Variants in CELF2 observed in about 807,000 individuals in gnomAD.
The protein encoded by CELF2 is CUG triplet repeat RNA-binding protein 2.
CELF2 carries 8 observed loss-of-function variants against 62.6 expected under a neutral mutation model. The ratio of observed to expected loss-of-function variants is 0.13; its 90% confidence interval spans 0.07 to 0.23. The LOEUF (loss-of-function observed/expected upper bound fraction) is 0.23, where lower values mean the gene tolerates loss of function less well. CELF2 is among the 10% of genes least tolerant of loss of function. The pLI is 1.00. For synonymous variants in CELF2, 258 were observed against 250.0 expected, an observed-to-expected ratio of 1.03 and a Z score of -0.30; for missense variants, 333 against 671.0, an observed-to-expected ratio of 0.50 and a Z score of 5.56.
At chr10:10,799,036 C>A (rs1296197514) in intron 1 of CELF2, among the ~76,000 whole-genome samples, 1 of 152,032 alleles carries the variant, frequency 6.6e-6, no homozygotes, top group Non-Finnish European at 1.5e-5. Context: ...GGGGGGAGGT[C>A]GGGAAGCCTT....
the CELF2 span, among the ~76,000 whole-genome samples, chr10:10,557,528 G>C: frequency 4.9e-3 from 714 of 146,128 alleles, 12 homozygotes; most frequent in African/African-American, 0.017. Flanking sequence ...CTCTTTTTTG[G>C]TTCCATATGA....
the CELF2 span, among the ~76,000 whole-genome samples, chr10:10,525,710 C>T: frequency 5.9e-5 from 9 of 152,288 alleles, no homozygotes; most frequent in Admixed American, 4.6e-4. Context: ...ATATAGACAA[C>T]ATTTTCTTTA....
the CELF2 span, among the ~76,000 whole-genome samples, chr10:10,766,237 C>T: frequency 2.6e-5 from 4 of 152,174 alleles, no homozygotes; most frequent in Admixed American, 6.5e-5. Flanking sequence ...ACATCCTGGC[C>T]GAGGTTTACC....
chr10:10,581,536 C>T, the CELF2 span, among the ~76,000 whole-genome samples: 6 of 152,120 alleles, frequency 3.9e-5, no homozygotes, highest in Non-Finnish European at 8.8e-5. Flanking sequence ...AACAGAAAAA[C>T]AGCACACTGT....
chr10:11,091,231 A>G (rs1311931405), intron 1 of CELF2, among the ~76,000 whole-genome samples: 1 of 152,242 alleles, frequency 6.6e-6, no homozygotes, highest in Middle Eastern at 3.2e-3. Context: ...TTCAGGTTCC[A>G]TCATTTTAAT....
At chr10:10,585,383 C>G in the CELF2 span, among the ~76,000 whole-genome samples, 1 of 152,086 alleles carries the variant, frequency 6.6e-6, no homozygotes, top group Non-Finnish European at 1.5e-5. Context: ...TCCCTTCTGT[C>G]CTCTGTACAC....
In CELF2 at chr10:11,156,562, A is replaced by G. The variant is rs1411151390; in HGVS notation, c.75-8924A>G. On this transcript the variant is annotated intron_variant, in intron 1 of 12. Coordinates refer to ENST00000633077, the MANE Select transcript of CELF2 (RefSeq NM_001326342.2). This position sits in a 1 kb window ranked among gnomAD's most constrained non-coding sequence, Gnocchi z 4.3. The stretch of plus-strand genomic sequence containing the variant: ...TTGCCTATTTCATGCCCACTCTAGA[A>G]TATAACTCCGTGAAGACTGTTTTAC... 1.3e-5 allele frequency among the ~76,000 whole-genome samples: 2 copies of G among 152,162 alleles called. No homozygotes were observed. The highest frequency in any genetic ancestry group is 3.8e-4 in the East Asian group (2 of 5,202).
intron 2 of CELF2, among the ~76,000 whole-genome samples, chr10:11,204,220 T>C (rs1008277340): frequency 1.3e-5 from 2 of 152,242 alleles, no homozygotes; most frequent in African/African-American, 4.8e-5. Context: ...CGGTATTTTC[T>C]TTGTGCCAGA....
chr10:10,988,334 A>G (rs1020785387), intron 2 of CELF2, among the ~76,000 whole-genome samples: 1 of 152,018 alleles, frequency 6.6e-6, no homozygotes, highest in African/African-American at 2.4e-5. Flanking sequence ...CTATTCAGCC[A>G]TAAAAAGGAA....
Position 11,297,361 on chromosome 10 carries a change from G to A in CELF2, c.976+8809G>A, listed in dbSNP as rs964884222. On this transcript the variant is annotated intron_variant, in intron 9 of 12. Coordinates refer to ENST00000633077, the MANE Select transcript of CELF2 (RefSeq NM_001326342.2). This position sits in a 1 kb window ranked among gnomAD's most constrained non-coding sequence, Gnocchi z 4.4. ...AGGCCAGGCGGGCTGCCCTAAGCCCGGGGAGGGGTGAGGTCATCAGGCCAA... is the reference window on the plus strand; with the variant it reads ...AGGCCAGGCGGGCTGCCCTAAGCCCAGGGAGGGGTGAGGTCATCAGGCCAA... Among the ~76,000 whole-genome samples, 9 of 152,162 alleles carry A rather than the reference G, an allele frequency of 5.9e-5. No homozygotes were observed. The highest frequency in any genetic ancestry group is 7.3e-5 in the Non-Finnish European group (5 of 68,028).
chr10:11,074,283 T>A (rs1928726), intron 1 of CELF2, among the ~76,000 whole-genome samples: 31,159 of 152,210 alleles, frequency 0.2, 3,317 homozygotes, highest in Middle Eastern at 0.29. Context: ...AACATTTTTT[T>A]AAAAATATAT....
chr10:11,096,357 T>A (rs1288179254), intron 1 of CELF2: 1 of 152,220 alleles, frequency 6.6e-6, no homozygotes, highest in East Asian at 1.9e-4. Context: ...CGTTTTCCCC[T>A]TCACGAATCC....
At chr10:11,206,251 G>C (rs1435484537) in intron 2 of CELF2, among the ~76,000 whole-genome samples, 1 of 152,138 alleles carries the variant, frequency 6.6e-6, no homozygotes, top group Non-Finnish European at 1.5e-5. Context: ...TGAGAGATCG[G>C]CCTGGCCTGG....
At chr10:10,527,653 A>C in the CELF2 span, among the ~76,000 whole-genome samples, 1 of 152,186 alleles carries the variant, frequency 6.6e-6, no homozygotes. Flanking sequence ...TAGAGGATAC[A>C]CTGGAGACTC....
At chr10:10,734,602 A>C in the CELF2 span, among the ~76,000 whole-genome samples, 1 of 152,214 alleles carries the variant, frequency 6.6e-6, no homozygotes, top group African/African-American at 2.4e-5. Context: ...AACTAATTGC[A>C]ACTCAAGCTT....
chr10:11,075,308 T>A lies in CELF2; in HGVS notation c.74+57145T>A, dbSNP rs954028273. On this transcript the variant is annotated intron_variant, in intron 1 of 12. Transcript: ENST00000633077. The surrounding 1 kb of genome is among the most constrained non-coding windows in gnomAD (Gnocchi z 5.4). ...CAAAAGCATAATGCCCTTTCAGCAT[T>A]CCTCTTCTCTCCCCGCCCCCGTCTC... 6 of 152,164 alleles carry A rather than the reference T, an allele frequency of 3.9e-5. No homozygotes were observed. Among genetic ancestry groups the A allele is most frequent in the African/African-American group, 1.4e-4 (6 of 41,428 alleles). 9.4% of individuals were successfully genotyped at this position (152,164 alleles called of 1,614,324 possible).
At chr10:10,700,915 G>A in the CELF2 span, among the ~76,000 whole-genome samples, 44 of 152,308 alleles carry the variant, frequency 2.9e-4, no homozygotes, top group African/African-American at 9.4e-4. Flanking sequence ...GTTTAAGGGA[G>A]ATTGGAGGTG....
the CELF2 span, among the ~76,000 whole-genome samples, chr10:10,545,864 A>T: frequency 6.6e-6 from 1 of 152,236 alleles, no homozygotes; most frequent in Non-Finnish European, 1.5e-5. Flanking sequence ...GAGTTCTGGC[A>T]GAAGCAACCT....
intron 2 of CELF2, among the ~76,000 whole-genome samples, chr10:11,202,364 T>C (rs1432806467): frequency 6.6e-6 from 1 of 152,208 alleles, no homozygotes; most frequent in Non-Finnish European, 1.5e-5. Context: ...AAAAATTCTT[T>C]GTCATCCCAA....
Sources: gnomAD v4.1 joint callset for allele counts (sites outside exome capture counted in the v4.1 genomes callset) on GRCh38, gnomAD v4.1.1 for gene constraint, Gnocchi (gnomAD v3.1) non-coding constraint, MANE v1.5 for transcripts, NCBI Gene and HGNC (gene_info 2026-07-23, HGNC 2026-07-21) for gene names.